The following SOX5 variants were observed in gnomAD, a reference collection of about 807,000 sequenced individuals.
SOX5 encodes the protein transcription factor SOX-5.
A neutral mutation model predicts 92.0 loss-of-function variants in SOX5; 9 were observed. That is an observed-to-expected ratio of 0.10 (90% CI 0.06 to 0.17). SOX5 has a LOEUF of 0.17. SOX5 is among the 10% of genes least tolerant of loss of function. The pLI is 1.00. For synonymous variants in SOX5, 344 were observed against 336.3 expected (o/e 1.02, Z -0.25); for missense variants, 642 against 944.5 (o/e 0.68, Z 4.20).
intron 4 of SOX5, among the ~76,000 whole-genome samples, chr12:23,994,001 C>A (rs1950814472): frequency 6.6e-6 from 1 of 151,998 alleles, no homozygotes; most frequent in African/African-American, 2.4e-5. Context: ...GTAGTCCCAG[C>A]TACTTTGGAG....
chr12:24,445,937 A>G (rs866271222), intron 1 of SOX5, among the ~76,000 whole-genome samples: 4 of 152,222 alleles, frequency 2.6e-5, no homozygotes, highest in Non-Finnish European at 5.9e-5. Flanking sequence ...TAATTGTACT[A>G]TACAATCCTG....
chr12:23,715,750 T>G (rs867188100), intron 6 of SOX5, among the ~76,000 whole-genome samples: 3 of 138,984 alleles, frequency 2.2e-5, no homozygotes, highest in Middle Eastern at 8.9e-3. Flanking sequence ...TGGTAACACA[T>G]GCAGCAACTT....
At chr12:24,532,883 G>A (rs1400940539) in intron 1 of SOX5, among the ~76,000 whole-genome samples, 1 of 152,174 alleles carries the variant, frequency 6.6e-6, no homozygotes, top group Non-Finnish European at 1.5e-5. Flanking sequence ...CATAAAATGA[G>A]TTTACTAGCA....
At chr12:24,126,975 G>A (rs1443065151) in intron 4 of SOX5, among the ~76,000 whole-genome samples, 1 of 152,054 alleles carries the variant, frequency 6.6e-6, no homozygotes, top group African/African-American at 2.4e-5. Context: ...AAACTCAAAT[G>A]AACAGTTTTA....
At position 23,908,474 on chromosome 12, in the gene SOX5, C is replaced by A. The variant is rs191729785; in HGVS notation, c.39-12450G>T. Among the ~76,000 whole-genome samples the A allele has an allele frequency of 3.1e-3, 465 of 152,010 alleles. 10 individuals are homozygous for A. Among genetic ancestry groups the A allele is most frequent in the Non-Finnish European group, 5.0e-4 (34 of 67,970 alleles). On this transcript the variant is annotated intron_variant, in intron 1 of 14. Coordinates refer to ENST00000451604, the MANE Select transcript of SOX5 (RefSeq NM_006940.6). ...AGGGGGCTCACTCTTTCTTTCCATG[C>A]CCCATACAGACTTGGTTACAGCCTG... is the stretch of plus-strand genomic sequence containing the variant.
intron 4 of SOX5, among the ~76,000 whole-genome samples, chr12:24,107,984 T>C (rs1174736229): frequency 1.3e-5 from 2 of 152,208 alleles, no homozygotes; most frequent in African/African-American, 2.4e-5. Flanking sequence ...AATAAAGTTT[T>C]AAAATCAAGT....
At chr12:24,330,019 T>C (rs575275585) in intron 2 of SOX5, among the ~76,000 whole-genome samples, 35 of 152,168 alleles carry the variant, frequency 2.3e-4, no homozygotes, top group African/African-American at 8.2e-4. Context: ...TGAGACTCTC[T>C]CTCAAAACAA....
intron 4 of SOX5, among the ~76,000 whole-genome samples, chr12:24,206,795 A>C (rs1040088523): frequency 3.3e-5 from 5 of 152,210 alleles, no homozygotes; most frequent in African/African-American, 9.7e-5. Context: ...GCAGAAGGTC[A>C]CACTGATGAC....
chr12:24,062,540 T>C (rs184180335), intron 4 of SOX5, among the ~76,000 whole-genome samples: 117 of 152,334 alleles, frequency 7.7e-4, no homozygotes, highest in Non-Finnish European at 1.4e-3. Flanking sequence ...ACCATTACTA[T>C]AGACCGGAGT....
rs1182719394 is a variant in SOX5, at chr12:23,610,789, T to C, written c.1018-6256A>G. 5.9e-5 allele frequency among the ~76,000 whole-genome samples: 9 copies of C among 152,206 alleles called. No homozygotes were observed. In the East Asian group the frequency reaches 1.3e-3, roughly 23 times the overall value. ...AGAACAAAGTAAATTAATAACCTCA[T>C]TGTAGTCATAATCATAACAGTAACT... On this transcript the variant is annotated intron_variant, in intron 8 of 14. Transcript: ENST00000451604.
intron 2 of SOX5, among the ~76,000 whole-genome samples, chr12:24,342,872 AT>A (rs1952742108): frequency 6.6e-6 from 1 of 152,202 alleles, no homozygotes; most frequent in African/African-American, 2.4e-5. Context: ...AACCTTTTTT[AT>A]CTGGCTCACA....
chr12:23,995,986 T>C (rs1024587755), intron 4 of SOX5, among the ~76,000 whole-genome samples: 12 of 152,220 alleles, frequency 7.9e-5, no homozygotes, highest in Admixed American at 1.3e-4. Context: ...CTATGATATA[T>C]AGACAAAATC....
chr12:24,287,210 T>C (rs1258339313), intron 2 of SOX5, among the ~76,000 whole-genome samples: 1 of 152,234 alleles, frequency 6.6e-6, no homozygotes, highest in Non-Finnish European at 1.5e-5. Context: ...GATATTCATA[T>C]TTGACCCAAA....
At chr12:23,702,766 G>T (rs1236892491) in intron 6 of SOX5, among the ~76,000 whole-genome samples, 1 of 151,962 alleles carries the variant, frequency 6.6e-6, no homozygotes, top group Non-Finnish European at 1.5e-5. Context: ...GTGTGTGTGT[G>T]TGTGTGCACG....
chr12:24,293,698 G>A (rs1565844643), intron 2 of SOX5, among the ~76,000 whole-genome samples: 1 of 152,142 alleles, frequency 6.6e-6, no homozygotes, highest in African/African-American at 2.4e-5. Flanking sequence ...GGATTGTAAA[G>A]ATTTGCTGAT....
intron 5 of SOX5, among the ~76,000 whole-genome samples, chr12:23,738,022 A>G (rs892312646): frequency 7.2e-5 from 11 of 152,128 alleles, no homozygotes; most frequent in Admixed American, 4.6e-4. Context: ...ATCCTTCCCA[A>G]CTAGATTTCA....
At position 23,651,200 on chromosome 12, in the gene SOX5, T is replaced by C. The variant is rs573645612; in HGVS notation, c.932-10303A>G. ...TGACTTTTGGCACTGTGTTGAAATA[T>C]CTTACATATACATATACACATATAT... On this transcript the variant is annotated intron_variant, in intron 7 of 14. Transcript: ENST00000451604. Among the ~76,000 whole-genome samples, 499 of 152,172 alleles carry C rather than the reference T, an allele frequency of 3.3e-3. 3 individuals are homozygous for C. Among genetic ancestry groups the C allele is most frequent in the African/African-American group, 0.011 (453 of 41,550 alleles).
chr12:24,079,578 C>T (rs1943079780), intron 4 of SOX5, among the ~76,000 whole-genome samples: 1 of 151,854 alleles, frequency 6.6e-6, no homozygotes, highest in Non-Finnish European at 1.5e-5. Flanking sequence ...ATATCCTAAT[C>T]CTGCAACGAC....
rs1044538974 is a variant in SOX5 at position 23,642,644 on chromosome 12, G to A, written c.932-1747C>T. Reference sequence around the variant, plus strand: ...GAGGGAGTAAGATGCCAGATTATGTGTGATTTCTGTAAACATTAAATGATC... The same window carrying A: ...GAGGGAGTAAGATGCCAGATTATGTATGATTTCTGTAAACATTAAATGATC... On this transcript the variant is annotated intron_variant, in intron 7 of 14. Transcript: ENST00000451604. Among the ~76,000 whole-genome samples the A allele has an allele frequency of 2.0e-5, 3 of 152,288 alleles. No homozygotes were observed. The East Asian group carries it at 5.8e-4, about 29-fold the overall frequency.
Sources: gnomAD v4.1 joint callset for allele counts (sites outside exome capture counted in the v4.1 genomes callset) on GRCh38, gnomAD v4.1.1 for gene constraint, MANE v1.5 for transcripts, NCBI Gene and HGNC (gene_info 2026-07-23, HGNC 2026-07-21) for gene names.